The following TBC1D5 variants were observed in gnomAD, a reference collection of about 807,000 sequenced individuals.
TBC1D5 encodes the protein TBC1 domain family member 5, also known as TBC1 domain family, member 5.
Under a neutral mutation model 100.3 loss-of-function variants are expected in TBC1D5, and 75 were observed. That is an observed-to-expected ratio of 0.75 (90% CI 0.62 to 0.91). The LOEUF is 0.91. Among genes scored for constraint, TBC1D5 ranks in the 40% least tolerant of loss-of-function variants. The probability of loss-of-function intolerance (pLI) is 0.00; values close to 1 mark genes in which losing one functional copy is unlikely to be tolerated. For synonymous variants in TBC1D5, 323 were observed against 325.6 expected (o/e 0.99, Z 0.09); for missense variants, 910 against 942.4 (o/e 0.97, Z 0.45).
At chr3:17,738,788 G>A (rs1011624607) in intron 1 of TBC1D5, among the ~76,000 whole-genome samples, 2 of 152,278 alleles carry the variant, frequency 1.3e-5, no homozygotes, top group East Asian at 1.9e-4. Flanking sequence ...AAAAGAACAA[G>A]AGAGAATTTG....
intron 3 of TBC1D5, among the ~76,000 whole-genome samples, chr3:17,484,278 G>T (rs1262997954): frequency 6.6e-6 from 1 of 152,002 alleles, no homozygotes; most frequent in Non-Finnish European, 1.5e-5. Context: ...TTAATCAAAA[G>T]GCCTATTAAG....
intron 4 of TBC1D5, among the ~76,000 whole-genome samples, chr3:17,425,708 G>A (rs2094319886): frequency 6.6e-6 from 1 of 152,090 alleles, no homozygotes; most frequent in Non-Finnish European, 1.5e-5. Context: ...ACAAACAGTG[G>A]AAAGAATATA....
chr3:17,352,682 G>T (rs373177499), intron 13 of TBC1D5, among the ~76,000 whole-genome samples: 2 of 56,328 alleles, frequency 3.6e-5, no homozygotes, highest in African/African-American at 7.3e-5. Flanking sequence ...AAAGCAAAAG[G>T]CAAAAAAAAA....
chr3:17,445,279 G>C (rs988995242), intron 3 of TBC1D5, among the ~76,000 whole-genome samples: 20 of 151,838 alleles, frequency 1.3e-4, no homozygotes, highest in Admixed American at 1.3e-3. Context: ...CTTTTCATAT[G>C]ACCTGTGGAC....
At chr3:17,498,772 A>T (rs2095747721) in intron 3 of TBC1D5, among the ~76,000 whole-genome samples, 1 of 152,212 alleles carries the variant, frequency 6.6e-6, no homozygotes, top group African/African-American at 2.4e-5. Context: ...CCTAACTTAG[A>T]TCTACAAGAA....
chr3:17,312,309 C>G (rs2084126495), intron 13 of TBC1D5, among the ~76,000 whole-genome samples: 1 of 152,060 alleles, frequency 6.6e-6, no homozygotes, highest in Admixed American at 6.6e-5. Context: ...AAGGGCTCTG[C>G]AGAATACATT....
rs1464614956 is a variant in TBC1D5, at chr3:17,272,631, C to A, written c.1246-14040G>T. 7.2e-5 allele frequency among the ~76,000 whole-genome samples: 11 copies of A among 152,128 alleles called. No individual in the cohort carries two copies. The South Asian group carries it at 2.3e-3, about 32-fold the overall frequency. ...AGGTTCGGAATAATTAGTAGTTTGG[C>A]CAAAGTTATATGAGATGGTAAGGGA... On this transcript the variant is annotated intron_variant, in intron 15 of 21. Transcript: ENST00000253692.
At chr3:17,523,800 T>C (rs1019988919) in intron 2 of TBC1D5, among the ~76,000 whole-genome samples, 10 of 152,140 alleles carry the variant, frequency 6.6e-5, no homozygotes, top group East Asian at 3.9e-4. Context: ...GTGGACAAGA[T>C]TGGTGCACAG....
At chr3:17,182,674 T>C (rs1292859270) in intron 19 of TBC1D5, among the ~76,000 whole-genome samples, 1 of 152,182 alleles carries the variant, frequency 6.6e-6, no homozygotes, top group African/African-American at 2.4e-5. Context: ...GCAAAAACTA[T>C]ACATTCATTT....
intron 1 of TBC1D5, among the ~76,000 whole-genome samples, chr3:17,647,333 TAAAC>T (rs1156317652): frequency 3.3e-5 from 5 of 152,038 alleles, no homozygotes; most frequent in African/African-American, 1.2e-4. Context: ...AAACAGCTGA[TAAAC>T]AAACAAAAAT....
At chr3:17,420,694 C>A (rs1161231940) in intron 4 of TBC1D5, among the ~76,000 whole-genome samples, 2 of 152,150 alleles carry the variant, frequency 1.3e-5, no homozygotes, top group African/African-American at 4.8e-5. Flanking sequence ...TATTTCACCA[C>A]TATATCCTAA....
At chr3:17,334,639 C>T (rs2087404309) in intron 13 of TBC1D5, among the ~76,000 whole-genome samples, 1 of 152,128 alleles carries the variant, frequency 6.6e-6, no homozygotes, top group African/African-American at 2.4e-5. Flanking sequence ...CCTAACTCTT[C>T]TTAAATATAA....
chr3:17,330,479 T>A (rs886135684), intron 13 of TBC1D5, among the ~76,000 whole-genome samples: 1 of 152,094 alleles, frequency 6.6e-6, no homozygotes, highest in Non-Finnish European at 1.5e-5. Flanking sequence ...TTTCAATTTT[T>A]CTCTGATAGC....
chr3:17,697,646 G>A (rs530273567), intron 1 of TBC1D5, among the ~76,000 whole-genome samples: 3 of 152,202 alleles, frequency 2.0e-5, no homozygotes, highest in Admixed American at 6.5e-5. Flanking sequence ...CTCACGGATA[G>A]GAAGAATCAA....
At chr3:17,656,271 C>A (rs189100841) in intron 1 of TBC1D5, among the ~76,000 whole-genome samples, 29 of 152,270 alleles carry the variant, frequency 1.9e-4, no homozygotes, top group African/African-American at 6.5e-4. Context: ...CATCAGTAAA[C>A]CAGAACCTTC....
At chr3:17,203,150 C>A (rs1480435910) in intron 18 of TBC1D5, among the ~76,000 whole-genome samples, 1 of 152,198 alleles carries the variant, frequency 6.6e-6, no homozygotes, top group African/African-American at 2.4e-5. Flanking sequence ...GGAAGCCCAC[C>A]CCTTGCATGA....
At chr3:17,389,440 G>A (rs1226247759) in intron 8 of TBC1D5, among the ~76,000 whole-genome samples, 1 of 152,094 alleles carries the variant, frequency 6.6e-6, no homozygotes, top group Non-Finnish European at 1.5e-5. Flanking sequence ...CGTGTCAAAA[G>A]TGGTGGTGGA....
At chr3:17,370,936 A>G (rs1295300831) in intron 13 of TBC1D5, among the ~76,000 whole-genome samples, 1 of 152,212 alleles carries the variant, frequency 6.6e-6, no homozygotes, top group East Asian at 1.9e-4. Flanking sequence ...GAAACTGCCT[A>G]GCACTACATA....
intron 15 of TBC1D5, among the ~76,000 whole-genome samples, chr3:17,284,503 AT>A (rs1045541220): frequency 4.6e-5 from 7 of 151,920 alleles, no homozygotes; most frequent in African/African-American, 9.7e-5. Context: ...AGCCATATGT[AT>A]TTTTTTTATA....
Sources: allele counts gnomAD v4.1 joint callset (sites outside exome capture counted in the v4.1 genomes callset), GRCh38; gene constraint gnomAD v4.1.1; transcripts MANE v1.5; gene names NCBI Gene and HGNC (gene_info 2026-07-23, HGNC 2026-07-21).